Variants in CENPU observed in about 807,000 individuals in gnomAD.
CENPU encodes the protein centromere protein U.
CENPU carries 46 observed loss-of-function variants against 56.7 expected under a neutral mutation model. The observed-to-expected ratio is 0.81, with a 90% CI of 0.64 to 1.04. CENPU has a LOEUF of 1.04. Ranked by LOEUF, CENPU falls within the 50% of genes least tolerant of loss-of-function variation. CENPU has a pLI of 0.00. For synonymous variants in CENPU, 166 were observed against 163.0 expected, an observed-to-expected ratio of 1.02 and a Z score of -0.14; for missense variants, 510 against 490.1, an observed-to-expected ratio of 1.04 and a Z score of -0.38.
Position 184,711,099 on chromosome 4 carries a change from T to TAACC in CENPU, c.689-920_689-919insGGTT, listed in dbSNP as rs1760908814. ...CTTGAACTCCTGGGCTCAAGCAATC[T>TAACC]CTCACCTCAGCCTCCCAAAGTGCTG... On this transcript the variant is annotated intron_variant, in intron 7 of 12. Coordinates refer to ENST00000281453, the MANE Select transcript of CENPU (RefSeq NM_024629.4). 2.6e-5 allele frequency among the ~76,000 whole-genome samples: 4 copies of TAACC among 152,132 alleles called. No homozygotes were observed. In the South Asian group the frequency reaches 8.3e-4, roughly 32 times the overall value.
At chr4:184,707,653 C>A (rs1281206851) in intron 8 of CENPU, among the ~76,000 whole-genome samples, 2 of 152,204 alleles carry the variant, frequency 1.3e-5, no homozygotes, top group Admixed American at 1.3e-4. Context: ...ACCCCACCCC[C>A]TGCACTGACG....
chr4:184,717,309 CT>C, intron 4 of CENPU, 113 bp from the exon 5 acceptor site: 4 of 766,398 alleles, frequency 5.2e-6, no homozygotes, highest in Non-Finnish European at 6.5e-6. Flanking sequence ...AGGAAATATC[CT>C]ATTTGTCACA....
chr4:184,720,463 T>G (rs1394635174), intron 4 of CENPU, among the ~76,000 whole-genome samples: 1 of 152,130 alleles, frequency 6.6e-6, no homozygotes, highest in Non-Finnish European at 1.5e-5. Context: ...GTAGAAAGTT[T>G]ATTCAAAAAC....
At chr4:184,707,760 C>A (rs982879330) in intron 8 of CENPU, among the ~76,000 whole-genome samples, 1 of 152,202 alleles carries the variant, frequency 6.6e-6, no homozygotes, top group Non-Finnish European at 1.5e-5. Context: ...GCTGGAATAA[C>A]AGGATGCTGG....
chr4:184,699,551 T>C, intron 11 of CENPU: 1 of 1,288,402 alleles, frequency 7.8e-7, no homozygotes, highest in South Asian at 1.2e-5. Flanking sequence ...AGTTTTCTTA[T>C]TTTGGCCTGG....
chr4:184,694,344 G>A lies in CENPU; in HGVS notation c.*944C>T, dbSNP rs944099289. ...TGTGTCTGAGCTTCAGTGCAGCAAC[G>A]TTTGAATCAGTGCACTCATTCCCAC... On this transcript the variant is annotated 3_prime_UTR_variant, in exon 13 of 13. Transcript: ENST00000281453. 7.2e-6 allele frequency: 10 copies of A among 1,386,860 alleles called. No individual in the cohort carries two copies. The East Asian group carries it at 7.7e-5, about 11-fold the overall frequency. 85.9% of individuals were successfully genotyped at this position (1,386,860 alleles called of 1,614,324 possible). A position where few individuals can be genotyped will look rare whatever the true frequency, so the allele number is the denominator to read the frequency against.
At position 184,731,540 on chromosome 4, in the gene CENPU, G is replaced by A. The variant is rs73874439; in HGVS notation, c.48-572C>T. 7.2e-3 allele frequency among the ~76,000 whole-genome samples: 1,101 copies of A among 152,256 alleles called. 13 individuals are homozygous for A. The highest frequency in any genetic ancestry group is 0.025 in the African/African-American group (1,044 of 41,532). On this transcript the variant is annotated intron_variant, in intron 1 of 12. Transcript: ENST00000281453. Reference sequence around the variant, plus strand: ...TTCAACAAGCTTCAAGAAAACAAATGTAACAATGGTGACAAGAATAAAAAC... The same window carrying A: ...TTCAACAAGCTTCAAGAAAACAAATATAACAATGGTGACAAGAATAAAAAC...
chr4:184,700,706 G>T, intron 11 of CENPU, 114 bp downstream of exon 11: 1 of 937,012 alleles, frequency 1.1e-6, no homozygotes, highest in Non-Finnish European at 1.7e-6. Context: ...ATCGGAGCTT[G>T]AAGATAACCT....
At position 184,729,013 on chromosome 4, in the gene CENPU, G is replaced by A. The variant is rs1761548683; in HGVS notation, c.119C>T (p.Pro40Leu). The change falls in exon 3 of 13, where the codon CCT becomes CTT. Residue 40 changes from proline (P) to leucine (L), a missense_variant. Transcript: ENST00000281453. ...MKDKAGQKCK[P>L]IDVFDFPDNS... is the part of the protein sequence containing the mutation. ...ATCAGGAAAGTCGAACACGTCAATA[G>A]GCTTGCACTTTTGACCAGCTTTCTA... The A allele has an allele frequency of 6.2e-7, 1 of 1,613,528 alleles. No individual in the cohort carries two copies. Among genetic ancestry groups the A allele is most frequent in the South Asian group, 1.1e-5 (1 of 90,914 alleles).
In CENPU at chr4:184,702,372, G is replaced by A. The variant is rs533545199; in HGVS notation, c.867C>T (p.Phe289=). ...ATFYVNVKEQ[F]IKMLKESQML... Reference sequence around the variant, plus strand: ...ATGTCCGTGAGCTTACCATTTTGATGAATTGTTCTTTAACATTAACATAAA... The same window carrying A: ...ATGTCCGTGAGCTTACCATTTTGATAAATTGTTCTTTAACATTAACATAAA... Residue 289 remains phenylalanine, a synonymous_variant, in exon 9 of 13, where the codon TTC becomes TTT. Transcript: ENST00000281453. 16 of 1,611,390 alleles carry A rather than the reference G, an allele frequency of 9.9e-6. No individual in the cohort carries two copies. The South Asian group carries it at 1.6e-4, about 16-fold the overall frequency.
At chr4:184,729,917 A>G (rs1761580122) in intron 2 of CENPU, among the ~76,000 whole-genome samples, 1 of 152,250 alleles carries the variant, frequency 6.6e-6, no homozygotes, top group Admixed American at 6.5e-5. Context: ...AAATAAGAAA[A>G]TTCTGGAAGG....
Position 184,712,941 on chromosome 4 carries a change from T to C in CENPU, c.688+3A>G. On this transcript the variant is annotated splice_donor_region_variant and intron_variant, in intron 7 of 12. Transcript: ENST00000281453. The stretch of plus-strand genomic sequence containing the variant: ...TGACAAAGTATAAAACATCATTCTC[T>C]ACCTGAGCCTATGGCTTTACTTCTT... The C allele has an allele frequency of 6.4e-7, 1 of 1,568,212 alleles. No homozygotes were observed. Among genetic ancestry groups the C allele is most frequent in the Non-Finnish European group, 8.7e-7 (1 of 1,150,178 alleles).
At position 184,721,161 on chromosome 4, in the gene CENPU, T is replaced by C. The variant is rs566694911; in HGVS notation, c.320+3796A>G. 1.8e-3 allele frequency among the ~76,000 whole-genome samples: 275 copies of C among 152,304 alleles called. 2 individuals are homozygous for C. Among genetic ancestry groups the C allele is most frequent in the Non-Finnish European group, 1.9e-3 (132 of 68,018 alleles). On this transcript the variant is annotated intron_variant, in intron 4 of 12. Transcript: ENST00000281453. Reference sequence around the variant, plus strand: ...TATTAGTTTTCTTTTTGCTTGTTTATGCGAGCAGGGTTAAGTTGTTAATGG... The same window carrying C: ...TATTAGTTTTCTTTTTGCTTGTTTACGCGAGCAGGGTTAAGTTGTTAATGG...
Position 184,699,747 on chromosome 4 carries a change from G to A in CENPU, c.986+1073C>T, listed in dbSNP as rs757325612. ...ACAATCTCGGCTCCCTGCAACCTCC[G>A]CCTCCCAGGTTCAAGCGATTCTCGT... On this transcript the variant is annotated intron_variant, in intron 11 of 12. Coordinates refer to ENST00000281453, the MANE Select transcript of CENPU (RefSeq NM_024629.4). 2.4e-5 allele frequency: 13 copies of A among 549,838 alleles called. 1 individual carries two copies. Among genetic ancestry groups the A allele is most frequent in the Non-Finnish European group, 3.9e-5 (13 of 337,208 alleles). The allele number at this position is 549,838 out of a possible 1,614,324, so 34.1% of individuals were successfully genotyped here. A position where few individuals can be genotyped will look rare whatever the true frequency, so the allele number is the denominator to read the frequency against.
intron 12 of CENPU, among the ~76,000 whole-genome samples, chr4:184,696,576 TAATA>T (rs1163469466): frequency 2.0e-5 from 3 of 152,146 alleles, no homozygotes; most frequent in Admixed American, 6.5e-5. Context: ...TCTGGATCTC[TAATA>T]TATACACAAA....
At chr4:184,726,815 G>A (rs1318996329) in intron 3 of CENPU, among the ~76,000 whole-genome samples, 3 of 152,098 alleles carry the variant, frequency 2.0e-5, no homozygotes, top group Admixed American at 6.5e-5. Flanking sequence ...CTGGCTGGGC[G>A]CAGTGGCTCA....
intron 4 of CENPU, among the ~76,000 whole-genome samples, chr4:184,724,173 G>C (rs188893456): frequency 0.028 from 4,218 of 152,186 alleles, 199 homozygotes; most frequent in African/African-American, 0.096. Context: ...GGCTGAGGCA[G>C]GAGAATGGCG....
Position 184,716,650 on chromosome 4 carries a change from A to T in CENPU, c.382-17T>A. On this transcript the variant is annotated splice_polypyrimidine_tract_variant and intron_variant, in intron 5 of 12. Coordinates refer to ENST00000281453, the MANE Select transcript of CENPU (RefSeq NM_024629.4). ...TCTTCCTGGCTGTGTGAAAGAAAAA[A>T]CAGCAGTACTTATGTAGAAAATAGA... The T allele has an allele frequency of 6.4e-7, 1 of 1,565,042 alleles. No individual in the cohort carries two copies. The highest frequency in any genetic ancestry group is 8.8e-7 in the Non-Finnish European group (1 of 1,137,326).
intron 12 of CENPU, among the ~76,000 whole-genome samples, 185 bp from the exon 13 acceptor site, chr4:184,695,586 C>T (rs901438377): frequency 6.6e-6 from 1 of 152,152 alleles, no homozygotes; most frequent in African/African-American, 2.4e-5. Context: ...TAATTGATCA[C>T]AAAGTTGCTA....
Sources: allele counts gnomAD v4.1 joint callset (sites outside exome capture counted in the v4.1 genomes callset), GRCh38; gene constraint gnomAD v4.1.1; transcripts MANE v1.5; gene names NCBI Gene and HGNC (gene_info 2026-07-23, HGNC 2026-07-21).